RPS6KA2: variants seen among roughly 807,000 people sequenced by gnomAD.
The protein encoded by RPS6KA2 is ribosomal protein S6 kinase alpha-2.
A neutral mutation model predicts 91.8 loss-of-function variants in RPS6KA2; 42 were observed. That is an observed-to-expected ratio of 0.46 (90% CI 0.36 to 0.59). The LOEUF (loss-of-function observed/expected upper bound fraction) is 0.59. RPS6KA2 is among the 20% of genes least tolerant of loss of function. RPS6KA2 has a pLI of 0.00. For missense variants in RPS6KA2, 798 were observed against 978.5 expected (o/e 0.82, Z 2.46); for synonymous variants, 414 against 393.6 (o/e 1.05, Z -0.61).
intron 14 of RPS6KA2, among the ~76,000 whole-genome samples, chr6:166,442,717 G>A (rs1162819106): frequency 6.6e-6 from 1 of 152,132 alleles, no homozygotes; most frequent in Non-Finnish European, 1.5e-5. Context: ...ATTGGCACTC[G>A]AATGATGTAA....
At chr6:166,782,921 C>T (rs1020111472) in intron 2 of RPS6KA2, among the ~76,000 whole-genome samples, 33 of 141,732 alleles carry the variant, frequency 2.3e-4, no homozygotes, top group Middle Eastern at 3.5e-3. Flanking sequence ...CCAGGCTTGT[C>T]TAATCTCTCT....
chr6:166,682,104 A>C (rs1382629041), intron 2 of RPS6KA2, among the ~76,000 whole-genome samples: 1 of 152,224 alleles, frequency 6.6e-6, no homozygotes, highest in Non-Finnish European at 1.5e-5. Context: ...TTTAAGCTAC[A>C]GGCAATTTAC....
chr6:166,499,922 C>T (rs1781964944), intron 7 of RPS6KA2, among the ~76,000 whole-genome samples: 1 of 152,174 alleles, frequency 6.6e-6, no homozygotes, highest in Admixed American at 6.5e-5. Flanking sequence ...CAGACTAACA[C>T]AGGGACTTTG....
At chr6:166,673,007 G>C (rs1220124866) in intron 2 of RPS6KA2, among the ~76,000 whole-genome samples, 1 of 152,144 alleles carries the variant, frequency 6.6e-6, no homozygotes, top group Non-Finnish European at 1.5e-5. Flanking sequence ...GCAGGCTCTG[G>C]GTGGGCCCCC....
intron 2 of RPS6KA2, among the ~76,000 whole-genome samples, chr6:166,712,554 C>G (rs1412568166): frequency 6.6e-6 from 1 of 152,218 alleles, no homozygotes; most frequent in African/African-American, 2.4e-5. Context: ...CTGGGCCAAG[C>G]ATGCAGTGTG....
intron 2 of RPS6KA2, among the ~76,000 whole-genome samples, chr6:166,712,270 T>A (rs1029437352): frequency 6.6e-6 from 1 of 152,210 alleles, no homozygotes; most frequent in African/African-American, 2.4e-5. Context: ...AAGACTCTCA[T>A]CTGGTGGTGA....
intron 2 of RPS6KA2, among the ~76,000 whole-genome samples, chr6:166,745,346 T>A (rs970593143): frequency 6.6e-6 from 1 of 152,116 alleles, no homozygotes; most frequent in East Asian, 1.9e-4. Flanking sequence ...GAAATGGGGT[T>A]TTACCATGTT....
intron 9 of RPS6KA2, among the ~76,000 whole-genome samples, chr6:166,489,605 T>C (rs1344211155): frequency 1.3e-5 from 2 of 152,202 alleles, no homozygotes; most frequent in Non-Finnish European, 2.9e-5. Context: ...GTAAAGAACA[T>C]GTCCTCCCTT....
At chr6:166,830,970 C>T (rs1330970400) in intron 2 of RPS6KA2, among the ~76,000 whole-genome samples, 1 of 152,198 alleles carries the variant, frequency 6.6e-6, no homozygotes, top group Non-Finnish European at 1.5e-5. Context: ...TGGGCTGGGT[C>T]ACACGCTGTG....
At chr6:166,512,207 T>C (rs1782496500) in intron 3 of RPS6KA2, among the ~76,000 whole-genome samples, 1 of 152,222 alleles carries the variant, frequency 6.6e-6, no homozygotes, top group Non-Finnish European at 1.5e-5. Context: ...CTAAGTGAAA[T>C]AAGCCAGACA....
At chr6:166,773,884 C>T (rs573665830) in intron 2 of RPS6KA2, among the ~76,000 whole-genome samples, 3 of 152,134 alleles carry the variant, frequency 2.0e-5, no homozygotes, top group Admixed American at 6.5e-5. Flanking sequence ...AGGGGTATTC[C>T]GTGAAGAGGA....
In RPS6KA2 at chr6:166,612,989, C is replaced by T. The variant is rs188735413; in HGVS notation, c.99+13932G>A. On this transcript the variant is annotated intron_variant, in intron 1 of 20. Transcript: ENST00000265678. This position sits in a 1 kb window ranked among gnomAD's most constrained non-coding sequence, Gnocchi z 4.3. ...GATGCTTGAGCAGTGTTTCCCGGAC[C>T]TCCCAGAGAAAGCTGACCCAGAGGA... 6.6e-6 allele frequency among the ~76,000 whole-genome samples: 1 copy of T among 152,322 alleles called. No individual in the cohort carries two copies. Among genetic ancestry groups the T allele is most frequent in the Non-Finnish European group, 1.5e-5 (1 of 68,038 alleles).
rs185060170 is a variant in RPS6KA2 at position 166,472,518 on chromosome 6, T to C, written c.908-2613A>G. On this transcript the variant is annotated intron_variant, in intron 10 of 20. Coordinates refer to ENST00000265678, the MANE Select transcript of RPS6KA2 (RefSeq NM_021135.6). Reference sequence around the variant, plus strand: ...AAGAGTCAACAGGGGAATAACACTTTGGTTATCACTAAAAAATTACAGGGG... The same window carrying C: ...AAGAGTCAACAGGGGAATAACACTTCGGTTATCACTAAAAAATTACAGGGG... 6.9e-4 allele frequency among the ~76,000 whole-genome samples: 105 copies of C among 152,312 alleles called. 1 individual carries two copies. In the East Asian group the frequency reaches 0.018, roughly 25 times the overall value.
In RPS6KA2 at chr6:166,437,232, C is replaced by T. The variant is rs913528629; in HGVS notation, c.1333-4742G>A. Among the ~76,000 whole-genome samples, 12 of 152,136 alleles carry T rather than the reference C, an allele frequency of 7.9e-5. No individual in the cohort carries two copies. Among genetic ancestry groups the T allele is most frequent in the Admixed American group, 3.3e-4 (5 of 15,292 alleles). Reference sequence around the variant, plus strand: ...GGAGTGGGCCCCAAGTGCCTGCCAGCGCACTTCTTCTCTATGGGGTCGGTT... The same window carrying T: ...GGAGTGGGCCCCAAGTGCCTGCCAGTGCACTTCTTCTCTATGGGGTCGGTT... On this transcript the variant is annotated intron_variant, in intron 14 of 20. Coordinates refer to ENST00000265678, the MANE Select transcript of RPS6KA2 (RefSeq NM_021135.6). The surrounding 1 kb of genome is among the most constrained non-coding windows in gnomAD (Gnocchi z 4.3).
At chr6:166,722,834 C>A (rs145561211) in intron 2 of RPS6KA2, among the ~76,000 whole-genome samples, 2 of 152,186 alleles carry the variant, frequency 1.3e-5, no homozygotes, top group African/African-American at 4.8e-5. Flanking sequence ...GAGCTTCAAT[C>A]GCTGCATTTT....
rs1780353502 is a variant in RPS6KA2, at chr6:166,462,475, CTG to C, written c.973-2926_973-2925del. 2.6e-5 allele frequency among the ~76,000 whole-genome samples: 4 copies of C among 152,354 alleles called. No homozygotes were observed. In the South Asian group the frequency reaches 6.2e-4, roughly 24 times the overall value. On this transcript the variant is annotated intron_variant, in intron 11 of 20. Transcript: ENST00000265678. ...TCAGATTCACAGCCCAGCACTGGTA[CTG>C]CTGTGACCTCCTCTGGGCTGAGGCC...
intron 1 of RPS6KA2, among the ~76,000 whole-genome samples, chr6:166,594,617 G>C (rs770719926): frequency 1.3e-5 from 2 of 152,008 alleles, no homozygotes; most frequent in Non-Finnish European, 2.9e-5. Context: ...CGCCTGCCAC[G>C]ATGCCCAGCT....
At chr6:166,468,060 G>A (rs552229409) in intron 11 of RPS6KA2, among the ~76,000 whole-genome samples, 1 of 152,254 alleles carries the variant, frequency 6.6e-6, no homozygotes, top group African/African-American at 2.4e-5. Context: ...CTGACACCCA[G>A]GTCCATTCTT....
chr6:166,536,407 G>T (rs553497013), intron 2 of RPS6KA2, among the ~76,000 whole-genome samples: 41 of 152,258 alleles, frequency 2.7e-4, no homozygotes, highest in African/African-American at 8.9e-4. Context: ...ACAGTAACGT[G>T]GGGCATTAGA....
Sources: gnomAD v4.1 joint callset for allele counts (sites outside exome capture counted in the v4.1 genomes callset) on GRCh38, gnomAD v4.1.1 for gene constraint, Gnocchi (gnomAD v3.1) non-coding constraint, MANE v1.5 for transcripts, NCBI Gene and HGNC (gene_info 2026-07-23, HGNC 2026-07-21) for gene names.